The following STK38 variants were observed in gnomAD, a reference collection of about 807,000 sequenced individuals.
STK38 encodes the protein serine/threonine kinase 38.
A neutral mutation model predicts 59.0 loss-of-function variants in STK38; 26 were observed. That is an observed-to-expected ratio of 0.44 (90% confidence interval 0.32 to 0.61). The LOEUF is 0.61. Ranked by LOEUF, STK38 falls within the 20% of genes least tolerant of loss-of-function variation. The pLI, the probability that STK38 is intolerant of heterozygous loss-of-function variation, is 0.04. For synonymous variants in STK38, 175 were observed against 176.6 expected, an observed-to-expected ratio of 0.99 and a Z score of 0.07; for missense variants, 433 against 566.0, an observed-to-expected ratio of 0.76 and a Z score of 2.38.
chr6:36,517,428 G>A (rs982414902), intron 6 of STK38, among the ~76,000 whole-genome samples: 50 of 152,182 alleles, frequency 3.3e-4, no homozygotes, highest in Middle Eastern at 6.8e-3. Flanking sequence ...CAGGAGAGCA[G>A]GCAGAGCACC....
intron 1 of STK38, among the ~76,000 whole-genome samples, chr6:36,544,872 AAACAACAAC>A (rs571933282): frequency 1.3e-5 from 2 of 152,116 alleles, no homozygotes; most frequent in African/African-American, 4.8e-5. Flanking sequence ...TCTGTCTTAA[AAACAACAAC>A]AACAACAACA....
chr6:36,501,109 C>T (rs992435551), intron 9 of STK38, among the ~76,000 whole-genome samples: 60 of 152,212 alleles, frequency 3.9e-4, no homozygotes, highest in African/African-American at 1.4e-3. Flanking sequence ...CATGCCACCA[C>T]ACCTGGCTAA....
chr6:36,544,344 C>A (rs796832884), intron 1 of STK38, among the ~76,000 whole-genome samples: 83 of 147,348 alleles, frequency 5.6e-4, no homozygotes, highest in African/African-American at 1.4e-3. Flanking sequence ...ACAAAAACAA[C>A]AAAAAAAAAA....
At chr6:36,533,648 G>A (rs1247191561) in intron 2 of STK38, among the ~76,000 whole-genome samples, 1 of 152,136 alleles carries the variant, frequency 6.6e-6, no homozygotes, top group Non-Finnish European at 1.5e-5. Context: ...TCTTGTTCCT[G>A]CAGAACGTGA....
intron 13 of STK38, among the ~76,000 whole-genome samples, chr6:36,496,264 G>A (rs911990168): frequency 6.6e-6 from 1 of 151,874 alleles, no homozygotes. Flanking sequence ...GGATGGTCTC[G>A]ATCTCTTGAC....
rs1776788113 is a variant in STK38 at position 36,499,508 on chromosome 6, G to A, written c.952+365C>T. On this transcript the variant is annotated intron_variant, in intron 10 of 13. Transcript: ENST00000229812. ...AGGCCAGAGGGTCCCATGATTTGAA[G>A]GCTTTGACAGAGGAAGGGGGCGGCA... is the stretch of plus-strand genomic sequence containing the variant. Among the ~76,000 whole-genome samples the A allele has an allele frequency of 2.0e-5, 3 of 152,172 alleles. No individual in the cohort carries two copies. The South Asian group carries it at 6.2e-4, about 31-fold the overall frequency.
intron 2 of STK38, among the ~76,000 whole-genome samples, chr6:36,532,222 G>T (rs1777680768): frequency 6.7e-6 from 1 of 149,348 alleles, no homozygotes; most frequent in Non-Finnish European, 1.5e-5. Flanking sequence ...AGGATGGCTT[G>T]AGCCCAGGAG....
At chr6:36,510,849 T>C (rs979367039) in intron 7 of STK38, among the ~76,000 whole-genome samples, 1 of 152,170 alleles carries the variant, frequency 6.6e-6, no homozygotes, top group Non-Finnish European at 1.5e-5. Flanking sequence ...AGACCAGGAT[T>C]ACTTTACCCT....
chr6:36,496,693 C>A lies in STK38; in HGVS notation c.1267+18G>T. On this transcript the variant is annotated intron_variant, in intron 13 of 13. Transcript: ENST00000229812. ...AATGTGCTTATAAGGCAGCAGGAGACAATGCTGGTGGTGTTACCTGTTGGC... is the reference window on the plus strand; with the variant it reads ...AATGTGCTTATAAGGCAGCAGGAGAAAATGCTGGTGGTGTTACCTGTTGGC... 1 of 1,586,042 alleles carries A rather than the reference C, an allele frequency of 6.3e-7. No homozygotes were observed.
chr6:36,509,657 C>G (rs1777057396), intron 7 of STK38, among the ~76,000 whole-genome samples: 1 of 152,084 alleles, frequency 6.6e-6, no homozygotes, highest in South Asian at 2.1e-4. Context: ...CACAATGACT[C>G]AAGGCCTTTG....
chr6:36,532,965 G>C (rs952058075), intron 2 of STK38, among the ~76,000 whole-genome samples: 1 of 151,702 alleles, frequency 6.6e-6, no homozygotes, highest in East Asian at 1.9e-4. Context: ...CCAGCTACTC[G>C]GGAGGCTGAG....
intron 2 of STK38, 56 bp from the exon 3 acceptor site, chr6:36,525,698 AAATTCTGTAACTT>A: frequency 6.9e-7 from 1 of 1,455,004 alleles, no homozygotes; most frequent in East Asian, 2.3e-5. Flanking sequence ...AACTTTCTGA[AAATTCTGTAACTT>A]AATACTGTAG....
intron 7 of STK38, among the ~76,000 whole-genome samples, chr6:36,511,608 G>C (rs534868634): frequency 1.3e-5 from 2 of 150,772 alleles, no homozygotes; most frequent in Non-Finnish European, 3.0e-5. Flanking sequence ...CACCCACCTC[G>C]GCCTCCCAAA....
At chr6:36,542,185 T>C (rs563971308) in intron 1 of STK38, among the ~76,000 whole-genome samples, 15 of 152,300 alleles carry the variant, frequency 9.8e-5, no homozygotes, top group African/African-American at 3.4e-4. Context: ...CCAATAACTT[T>C]TTAAGTTTAT....
intron 1 of STK38, among the ~76,000 whole-genome samples, chr6:36,545,059 G>C (rs1435877864): frequency 1.3e-5 from 2 of 152,090 alleles, no homozygotes; most frequent in African/African-American, 4.8e-5. Context: ...GGAGGCTGAG[G>C]CAGGTGGATC....
At chr6:36,515,649 C>A (rs773531175) in intron 6 of STK38, among the ~76,000 whole-genome samples, 157 bp from the exon 7 acceptor site, 2 of 151,792 alleles carry the variant, frequency 1.3e-5, no homozygotes, top group Non-Finnish European at 2.9e-5. Flanking sequence ...AGAGATAGAC[C>A]CACATGGCCA....
At chr6:36,524,556 A>C in intron 3 of STK38, 93 bp from the exon 4 acceptor site, 1 of 1,353,400 alleles carries the variant, frequency 7.4e-7, no homozygotes, top group Admixed American at 2.3e-5. Context: ...CAGCTAGAAA[A>C]CAGGTCCAAG....
chr6:36,527,566 A>G (rs1777562699), intron 2 of STK38, among the ~76,000 whole-genome samples: 1 of 151,362 alleles, frequency 6.6e-6, no homozygotes, highest in East Asian at 2.0e-4. Context: ...GAAAAAAAAA[A>G]CCTTCAGACA....
At chr6:36,513,144 C>T (rs1777153430) in intron 7 of STK38, among the ~76,000 whole-genome samples, 1 of 152,016 alleles carries the variant, frequency 6.6e-6, no homozygotes, top group African/African-American at 2.4e-5. Flanking sequence ...CTCCACCTCC[C>T]AGGTAGCTGG....
Sources: gnomAD v4.1 joint callset for allele counts (sites outside exome capture counted in the v4.1 genomes callset) on GRCh38, gnomAD v4.1.1 for gene constraint, MANE v1.5 for transcripts, NCBI Gene and HGNC (gene_info 2026-07-23, HGNC 2026-07-21) for gene names.